GPR149: variants seen among roughly 807,000 people sequenced by gnomAD.
The protein encoded by GPR149 is probable G protein-coupled receptor 149.
GPR149 carries 50 observed loss-of-function variants against 50.2 expected under a neutral mutation model. That is an observed-to-expected ratio of 1.00 (90% CI 0.79 to 1.26). The LOEUF (loss-of-function observed/expected upper bound fraction) is 1.26. Among genes scored for constraint, GPR149 ranks in the 50% most tolerant of loss-of-function variants. The pLI, the probability that GPR149 is intolerant of heterozygous loss-of-function variation, is 0.00. For synonymous variants in GPR149, 405 were observed against 358.2 expected (o/e 1.13, Z -1.48); for missense variants, 983 against 895.4 (o/e 1.10, Z -1.25).
intron 3 of GPR149, among the ~76,000 whole-genome samples, chr3:154,340,868 C>T (rs1386120578): frequency 2.6e-5 from 4 of 152,078 alleles, no homozygotes; most frequent in Non-Finnish European, 4.4e-5. Flanking sequence ...ACTACAGGTG[C>T]GTGCCACCAC....
chr3:154,364,770 C>A (rs1714491563), intron 3 of GPR149, among the ~76,000 whole-genome samples: 1 of 152,226 alleles, frequency 6.6e-6, no homozygotes, highest in Non-Finnish European at 1.5e-5. Context: ...GGATCCCACC[C>A]CCATGGCTTT....
chr3:154,404,888 G>GC (rs4065840), intron 3 of GPR149, among the ~76,000 whole-genome samples: 3 of 152,088 alleles, frequency 2.0e-5, no homozygotes, highest in Non-Finnish European at 4.4e-5. Flanking sequence ...AGCAGCAGCA[G>GC]AAATTTAAAT....
chr3:154,378,156 C>A lies in GPR149; in HGVS notation c.1624-39885G>T, dbSNP rs182065346. On this transcript the variant is annotated intron_variant, in intron 3 of 3. Transcript: ENST00000389740. ...GGAGTGCAGTGGCATGATTTTGTCT[C>A]ACTGCAACCTCTGCTTCCCGGGTTC... Among the ~76,000 whole-genome samples the A allele has an allele frequency of 1.6e-3, 231 of 142,966 alleles. 1 individual carries two copies. Among genetic ancestry groups the A allele is most frequent in the African/African-American group, 5.4e-3 (210 of 39,136 alleles). 93.8% of individuals were successfully genotyped at this position (142,966 alleles called of 152,430 possible).
At chr3:154,400,721 G>T (rs1393245118) in intron 3 of GPR149, among the ~76,000 whole-genome samples, 3 of 152,060 alleles carry the variant, frequency 2.0e-5, no homozygotes, top group African/African-American at 4.8e-5. Flanking sequence ...CCCTCCTAAG[G>T]TTACAGAATT....
chr3:154,387,472 A>G (rs1485927198), intron 3 of GPR149, among the ~76,000 whole-genome samples: 1 of 152,140 alleles, frequency 6.6e-6, no homozygotes, highest in African/African-American at 2.4e-5. Context: ...GCATACTCAT[A>G]TTCTTCTCAC....
chr3:154,353,368 A>C, intron 3 of GPR149: 1 of 1,393,626 alleles, frequency 7.2e-7, no homozygotes, highest in Non-Finnish European at 1.0e-6. Context: ...GAAAAAAGTA[A>C]AGTCTGAGGA....
In GPR149 at chr3:154,352,003, A is replaced by T. The variant is rs193278503; in HGVS notation, c.1624-13732T>A. On this transcript the variant is annotated intron_variant, in intron 3 of 3. Coordinates refer to ENST00000389740, the MANE Select transcript of GPR149 (RefSeq NM_001038705.3). ...TAGCTATTCTTGTGAAACACTTTTT[A>T]AAAAAAATACGACCAACTTCTGTGC... 205 of 288,130 alleles carry T rather than the reference A, an allele frequency of 7.1e-4. 1 individual carries two copies. The highest frequency in any genetic ancestry group is 1.0e-3 in the Middle Eastern group (1 of 972). The allele number at this position is 288,130 out of a possible 1,614,324, so 17.8% of individuals were successfully genotyped here. A position where few individuals can be genotyped will look rare whatever the true frequency, so the allele number is the denominator to read the frequency against.
chr3:154,354,553 AT>A (rs942125048), intron 3 of GPR149, among the ~76,000 whole-genome samples: 3 of 149,582 alleles, frequency 2.0e-5, no homozygotes, highest in Non-Finnish European at 4.5e-5. Flanking sequence ...GTGTTTCAGG[AT>A]TTTTTTTTCC....
rs75651720 is a variant in GPR149 at position 154,387,878 on chromosome 3, G to A, written c.1623+33161C>T. ...CTGTTTCTATTATTAAACAATACAC[G>A]TCTTGTGAACCTCTATGGCATGACC... On this transcript the variant is annotated intron_variant, in intron 3 of 3. Coordinates refer to ENST00000389740, the MANE Select transcript of GPR149 (RefSeq NM_001038705.3). Among the ~76,000 whole-genome samples, 616 of 151,906 alleles carry A rather than the reference G, an allele frequency of 4.1e-3. 1 individual carries two copies. Among genetic ancestry groups the A allele is most frequent in the Middle Eastern group, 0.014 (4 of 292 alleles).
intron 3 of GPR149, among the ~76,000 whole-genome samples, chr3:154,349,536 C>T (rs1442360992): frequency 6.6e-6 from 1 of 152,088 alleles, no homozygotes; most frequent in Non-Finnish European, 1.5e-5. Context: ...CTACAATGTG[C>T]CAAATGCGAA....
At chr3:154,365,527 A>T (rs370017285) in intron 3 of GPR149, among the ~76,000 whole-genome samples, 1 of 152,174 alleles carries the variant, frequency 6.6e-6, no homozygotes, top group Non-Finnish European at 1.5e-5. Flanking sequence ...AATTTTTTCA[A>T]ATCTTTACCT....
At chr3:154,395,609 T>C (rs1008188258) in intron 3 of GPR149, among the ~76,000 whole-genome samples, 12 of 151,978 alleles carry the variant, frequency 7.9e-5, no homozygotes, top group African/African-American at 2.9e-4. Context: ...GGCAACATAG[T>C]AAGACCCTGT....
chr3:154,428,494 C>T, intron 1 of GPR149, 141 bp downstream of exon 1: 1 of 983,880 alleles, frequency 1.0e-6, no homozygotes, highest in Non-Finnish European at 1.5e-6. Context: ...AAGTGCATGT[C>T]TAAAACCCAG....
At chr3:154,342,164 C>T (rs1713813246) in intron 3 of GPR149, among the ~76,000 whole-genome samples, 1 of 151,920 alleles carries the variant, frequency 6.6e-6, no homozygotes, top group Non-Finnish European at 1.5e-5. Flanking sequence ...GATTTGATTG[C>T]AAAAAACTTT....
intron 3 of GPR149, among the ~76,000 whole-genome samples, chr3:154,377,834 G>A (rs1210430225): frequency 2.6e-5 from 4 of 152,030 alleles, no homozygotes; most frequent in African/African-American, 9.7e-5. Flanking sequence ...CACAGAAATT[G>A]CTTCATGCCC....
intron 2 of GPR149, among the ~76,000 whole-genome samples, chr3:154,424,934 A>C (rs1356805233): frequency 6.6e-6 from 1 of 151,786 alleles, no homozygotes; most frequent in Non-Finnish European, 1.5e-5. Flanking sequence ...TTTGACATTT[A>C]GCTGTTTAAT....
At position 154,429,167 on chromosome 3, in the gene GPR149, A is replaced by G. The variant is rs1182879303; in HGVS notation, c.449T>C (p.Val150Ala). The G allele has an allele frequency of 6.2e-7, 1 of 1,613,818 alleles. No homozygotes were observed. Residue 150 changes from valine (V) to alanine (A), a missense_variant, in exon 1 of 4, where the codon GTG (valine) becomes GCG (alanine). Val to Ala is a moderately conservative substitution (Grantham distance 64). Coordinates refer to ENST00000389740, the MANE Select transcript of GPR149 (RefSeq NM_001038705.3). ...CCACACGGTCAGCACCACGCCGAGC[A>G]CCTGGCCCGATCTTCTGGAGGCTGT... ...SQTASRRSGQ[V>A]LGVVLTVWAA...
intron 3 of GPR149, among the ~76,000 whole-genome samples, chr3:154,399,656 T>C (rs1715375471): frequency 6.6e-6 from 1 of 152,202 alleles, no homozygotes; most frequent in Non-Finnish European, 1.5e-5. Context: ...TTTCCTCTGC[T>C]CTAGAGACTG....
At chr3:154,383,408 T>C (rs543776577) in intron 3 of GPR149, among the ~76,000 whole-genome samples, 60 of 152,288 alleles carry the variant, frequency 3.9e-4, no homozygotes, top group Admixed American at 2.4e-3. Flanking sequence ...CCTGATTCTA[T>C]AGATTTATTT....
Sources: gnomAD v4.1 joint callset for allele counts (sites outside exome capture counted in the v4.1 genomes callset) on GRCh38, gnomAD v4.1.1 for gene constraint, MANE v1.5 for transcripts, NCBI Gene and HGNC (gene_info 2026-07-23, HGNC 2026-07-21) for gene names.